TTC21A: variants seen among roughly 807,000 people sequenced by gnomAD.
The protein encoded by TTC21A is tetratricopeptide repeat domain 21A.
In TTC21A, 128 loss-of-function variants were observed where a neutral mutation model predicts 156.4. That is an observed-to-expected ratio of 0.82 (90% CI 0.71 to 0.95). The LOEUF is 0.95. Among genes scored for constraint, TTC21A ranks in the 40% least tolerant of loss-of-function variants. The pLI is 0.00. For missense variants in TTC21A, 1,435 were observed against 1,602.3 expected (o/e 0.90, Z 1.78); for synonymous variants, 587 against 617.1 (o/e 0.95, Z 0.72).
intron 19 of TTC21A, among the ~76,000 whole-genome samples, chr3:39,132,123 T>C (rs546650484): frequency 6.6e-6 from 1 of 152,324 alleles, no homozygotes; most frequent in East Asian, 1.9e-4. Context: ...CTCTACTGAA[T>C]ACTGTAGACA....
intron 26 of TTC21A, 86 bp from the exon 27 acceptor site, chr3:39,138,181 T>C (rs2039280452): frequency 1.3e-6 from 2 of 1,590,576 alleles, no homozygotes; most frequent in Non-Finnish European, 1.7e-6. Flanking sequence ...CTTGCCTGCT[T>C]CTGGTTCTGG....
intron 22 of TTC21A, among the ~76,000 whole-genome samples, chr3:39,135,513 C>A (rs13319418): frequency 1.3e-5 from 2 of 152,216 alleles, no homozygotes; most frequent in African/African-American, 4.8e-5. Flanking sequence ...GCTTCATTCC[C>A]ATTCACTGCA....
chr3:39,116,678 C>A (rs1452759199), intron 6 of TTC21A, among the ~76,000 whole-genome samples: 1 of 152,008 alleles, frequency 6.6e-6, no homozygotes, highest in Non-Finnish European at 1.5e-5. Context: ...TTATGTTGCC[C>A]AAGCAGGTGT....
intron 12 of TTC21A, 85 bp downstream of exon 12, chr3:39,126,475 T>TACACAC (rs59925253): frequency 0.012 from 6,331 of 520,046 alleles, 56 homozygotes; most frequent in African/African-American, 0.035. Context: ...CCTAGGATAC[T>TACACAC]ACACACACAC....
In TTC21A at chr3:39,121,056, G is replaced by A; in HGVS notation, c.960G>A (p.Met320Ile). Residue 320 changes from methionine to isoleucine, a missense_variant, in exon 9 of 29, where the codon ATG becomes ATA. Met to Ile is a conservative substitution (Grantham distance 10). Transcript: ENST00000683103. ...LVCSFIERTFMATPSYVHVAT... is the reference protein window; with the variant it reads ...LVCSFIERTFIATPSYVHVAT... ...GTAGTTTCATCGAGCGCACCTTCAT[G>A]GCCACCCCCTCGTATGTCCATGTGG... 2 of 1,613,958 alleles carry A rather than the reference G, an allele frequency of 1.2e-6. No homozygotes were observed. Among genetic ancestry groups the A allele is most frequent in the Non-Finnish European group, 1.7e-6 (2 of 1,179,922 alleles).
Position 39,128,789 on chromosome 3 carries a change from A to T in TTC21A, c.1753A>T (p.Ile585Leu). 8.1e-6 allele frequency: 13 copies of T among 1,614,206 alleles called. No homozygotes were observed. Among genetic ancestry groups the T allele is most frequent in the Non-Finnish European group, 1.1e-5 (13 of 1,180,032 alleles). ...LNKAGDYPEA[I>L]KTLKMVIKLP... The stretch of plus-strand genomic sequence containing the variant: ...CAAGGCTGGAGACTATCCAGAGGCC[A>T]TAAAGACGCTGAAAATGGTCATCAA... The change falls in exon 14 of 29, where the codon ATA (isoleucine) becomes TTA (leucine). Residue 585 changes from isoleucine (I) to leucine (L), a missense_variant. Physicochemically the swap from Ile to Leu is conservative, Grantham distance 5. Coordinates refer to ENST00000683103, the MANE Select transcript of TTC21A (RefSeq NM_001366900.1).
intron 6 of TTC21A, among the ~76,000 whole-genome samples, chr3:39,115,847 CA>C (rs2037250182): frequency 6.6e-6 from 1 of 151,818 alleles, no homozygotes; most frequent in African/African-American, 2.4e-5. Context: ...AAAAAAAAAG[CA>C]TATAATCAAA....
At chr3:39,117,038 T>C (rs1202624264) in intron 6 of TTC21A, among the ~76,000 whole-genome samples, 2 of 152,274 alleles carry the variant, frequency 1.3e-5, no homozygotes, top group South Asian at 2.1e-4. Flanking sequence ...GATGCCTGTC[T>C]CAACCATTCT....
In TTC21A at chr3:39,135,060, G is replaced by C. The variant is rs148113219; in HGVS notation, c.2863-33G>C. The C allele has an allele frequency of 1.7e-4, 265 of 1,572,206 alleles. 3 individuals carry two copies. In the East Asian group the frequency reaches 5.7e-3, roughly 34 times the overall value. ...TACACCCATGCAAGCTGCCACTGTT[G>C]GGAAATCTGGAGCTTTGTGTGTTTT... On this transcript the variant is annotated intron_variant, in intron 21 of 28. Transcript: ENST00000683103.
chr3:39,129,423 T>C, intron 15 of TTC21A, 113 bp downstream of exon 15: 1 of 809,436 alleles, frequency 1.2e-6, no homozygotes, highest in Admixed American at 1.9e-5. Flanking sequence ...CCTTGGAGTG[T>C]AGTTGATGAA....
Position 39,120,732 on chromosome 3 carries a change from C to T in TTC21A, c.901-265C>T, listed in dbSNP as rs551826582. On this transcript the variant is annotated intron_variant, in intron 8 of 28. Coordinates refer to ENST00000683103, the MANE Select transcript of TTC21A (RefSeq NM_001366900.1). ...ATTTTTGAAAAACCTCTTGGTGACTCCTTAGACCAATTACTGTGACCAGAC... is the reference window on the plus strand; with the variant it reads ...ATTTTTGAAAAACCTCTTGGTGACTTCTTAGACCAATTACTGTGACCAGAC... Among the ~76,000 whole-genome samples, 3 of 152,336 alleles carry T rather than the reference C, an allele frequency of 2.0e-5. No individual in the cohort carries two copies. In the South Asian group the frequency reaches 6.2e-4, roughly 32 times the overall value.
intron 6 of TTC21A, 66 bp from the exon 7 acceptor site, chr3:39,118,003 C>A: frequency 8.4e-7 from 1 of 1,190,160 alleles, no homozygotes; most frequent in Non-Finnish European, 1.3e-6. Context: ...TCAGAAGTCG[C>A]CAACACACCA....
chr3:39,136,770 T>A, intron 23 of TTC21A, 129 bp from the exon 24 acceptor site: 1 of 1,289,860 alleles, frequency 7.8e-7, no homozygotes, highest in Non-Finnish European at 1.1e-6. Flanking sequence ...CCGCATCTCC[T>A]CCAGGGGAGC....
chr3:39,108,990 A>C, intron 1 of TTC21A, 95 bp from the exon 2 acceptor site: 1 of 1,377,892 alleles, frequency 7.3e-7, no homozygotes, highest in Non-Finnish European at 1.0e-6. Context: ...GAGGAGGAGC[A>C]GGGGATAGGG....
intron 12 of TTC21A, among the ~76,000 whole-genome samples, chr3:39,127,528 T>G (rs1186566857): frequency 6.6e-6 from 1 of 152,154 alleles, no homozygotes; most frequent in Non-Finnish European, 1.5e-5. Flanking sequence ...CTCTTCACAT[T>G]TCCACAGCAC....
intron 9 of TTC21A, 121 bp downstream of exon 9, chr3:39,121,310 T>C: frequency 1.2e-6 from 1 of 836,950 alleles, no homozygotes; most frequent in Non-Finnish European, 1.9e-6. Context: ...AATTTTGGGG[T>C]ACAATGTATG....
chr3:39,128,497 C>T lies in TTC21A; in HGVS notation c.1680+9C>T. ...TCAGCCACAACTTCCAGGTGGGTGC[C>T]CTCTCATCCTCTCAGCATCCCAAAG... is the stretch of plus-strand genomic sequence containing the variant. On this transcript the variant is annotated intron_variant, in intron 13 of 28. Transcript: ENST00000683103. 7.4e-6 allele frequency: 12 copies of T among 1,613,934 alleles called. No individual in the cohort carries two copies. Among genetic ancestry groups the T allele is most frequent in the Non-Finnish European group, 1.0e-5 (12 of 1,179,950 alleles).
Position 39,137,050 on chromosome 3 carries a change from G to A in TTC21A, c.3247G>A (p.Ala1083Thr), listed in dbSNP as rs201623552. Residue 1083 changes from alanine to threonine, a missense_variant, in exon 24 of 29, where the codon GCT (alanine) becomes ACT (threonine). Physicochemically the swap from Ala to Thr is moderately conservative, Grantham distance 58 (BLOSUM62 0). Coordinates refer to ENST00000683103, the MANE Select transcript of TTC21A (RefSeq NM_001366900.1). ...VGGEAFENQGAESNYMEKKEL... is the reference protein window; with the variant it reads ...VGGEAFENQGTESNYMEKKEL... ...CGGAGAGGCTTTTGAGAACCAGGGAGCTGAGAGCAAGTAAGGGCCCATGGA... is the reference window on the plus strand; with the variant it reads ...CGGAGAGGCTTTTGAGAACCAGGGAACTGAGAGCAAGTAAGGGCCCATGGA... The A allele has an allele frequency of 1.4e-5, 23 of 1,613,860 alleles. No individual in the cohort carries two copies. In the East Asian group the frequency reaches 4.5e-4, roughly 31 times the overall value.
chr3:39,124,939 G>A (rs2038094366), intron 9 of TTC21A, 124 bp from the exon 10 acceptor site: 1 of 703,690 alleles, frequency 1.4e-6, no homozygotes, highest in Non-Finnish European at 2.6e-6. Context: ...TTGTAGAAAT[G>A]TTGGAAAAGA....
Sources: gnomAD v4.1 joint callset for allele counts (sites outside exome capture counted in the v4.1 genomes callset) on GRCh38, gnomAD v4.1.1 for gene constraint, MANE v1.5 for transcripts, NCBI Gene and HGNC (gene_info 2026-07-23, HGNC 2026-07-21) for gene names.